Variants in PDE1C observed in about 807,000 individuals in gnomAD.
PDE1C encodes the protein dual specificity calcium/calmodulin-dependent 3',5'-cyclic nucleotide phosphodiesterase 1C.
A neutral mutation model predicts 93.1 loss-of-function variants in PDE1C; 62 were observed. The ratio of observed to expected loss-of-function variants is 0.67; its 90% confidence interval spans 0.54 to 0.82. PDE1C has a LOEUF of 0.82. PDE1C is among the 40% of genes least tolerant of loss of function. The pLI, the probability that PDE1C is intolerant of heterozygous loss-of-function variation, is 0.00. For synonymous variants in PDE1C, 325 were observed against 310.1 expected (o/e 1.05, Z -0.50); for missense variants, 742 against 884.6 (o/e 0.84, Z 2.04).
In PDE1C at chr7:31,764,392, A is replaced by T. The variant is rs192892878; in HGVS notation, c.1961-10839T>A. ...AACTCCTGACCGCGGTGATCCAAACACCTCAGCCTCACAAAGTACTGGGAT... is the reference window on the plus strand; with the variant it reads ...AACTCCTGACCGCGGTGATCCAAACTCCTCAGCCTCACAAAGTACTGGGAT... On this transcript the variant is annotated intron_variant, in intron 17 of 17. Transcript: ENST00000396191. 2.0e-5 allele frequency among the ~76,000 whole-genome samples: 3 copies of T among 152,128 alleles called. No homozygotes were observed. The East Asian group carries it at 5.8e-4, about 29-fold the overall frequency.
At chr7:32,129,153 T>C (rs1250209288) in intron 3 of PDE1C, among the ~76,000 whole-genome samples, 2 of 150,996 alleles carry the variant, frequency 1.3e-5, no homozygotes, top group Non-Finnish European at 3.0e-5. Flanking sequence ...AGAATTGACA[T>C]AAAATATCAC....
chr7:32,202,552 G>T (rs1805089623), intron 2 of PDE1C, among the ~76,000 whole-genome samples: 1 of 152,202 alleles, frequency 6.6e-6, no homozygotes, highest in South Asian at 2.1e-4. Flanking sequence ...GAATACATCT[G>T]TTGACTGAAC....
At chr7:32,403,866 A>G (rs754295423) in intron 1 of PDE1C, among the ~76,000 whole-genome samples, 5 of 152,190 alleles carry the variant, frequency 3.3e-5, no homozygotes, top group Non-Finnish European at 4.4e-5. Flanking sequence ...GACAAAATAT[A>G]GAAGATATCT....
At chr7:32,384,761 A>G (rs1251559364) in intron 1 of PDE1C, among the ~76,000 whole-genome samples, 1 of 152,228 alleles carries the variant, frequency 6.6e-6, no homozygotes, top group Non-Finnish European at 1.5e-5. Flanking sequence ...TTTTAGAATT[A>G]TGCTTCTTAA....
chr7:32,042,567 C>G (rs1399278042), intron 2 of PDE1C, among the ~76,000 whole-genome samples: 2 of 152,306 alleles, frequency 1.3e-5, no homozygotes, highest in Non-Finnish European at 1.5e-5. Flanking sequence ...CAGTAGGGGG[C>G]CCTCTGGACA....
At chr7:31,791,374 A>G (rs1784576797) in intron 16 of PDE1C, among the ~76,000 whole-genome samples, 1 of 152,124 alleles carries the variant, frequency 6.6e-6, no homozygotes. Flanking sequence ...CTTTACTCCA[A>G]TACTAGCACT....
chr7:31,879,292 A>C (rs1044193105), intron 3 of PDE1C, 114 bp from the exon 4 acceptor site: 2 of 1,045,128 alleles, frequency 1.9e-6, no homozygotes, highest in Non-Finnish European at 2.7e-6. Flanking sequence ...AAGAAACCAA[A>C]TTAAATTGGC....
At chr7:31,690,154 G>A in the PDE1C span, among the ~76,000 whole-genome samples, 4 of 152,194 alleles carry the variant, frequency 2.6e-5, no homozygotes, top group East Asian at 1.9e-4. Context: ...TGGACCTCCC[G>A]TGGCTAAGCA....
chr7:32,387,525 C>T (rs1415441867), intron 1 of PDE1C, among the ~76,000 whole-genome samples: 5 of 146,744 alleles, frequency 3.4e-5, no homozygotes, highest in South Asian at 2.2e-4. Flanking sequence ...ACCTCCCTCC[C>T]GGACGGGGCG....
intron 16 of PDE1C, among the ~76,000 whole-genome samples, chr7:31,801,814 T>G (rs899423745): frequency 3.3e-5 from 5 of 151,462 alleles, no homozygotes; most frequent in Admixed American, 6.6e-5. Flanking sequence ...TTCTTTTGAT[T>G]AGTGTTAAGA....
At chr7:32,109,072 C>T (rs1396615564) in intron 3 of PDE1C, among the ~76,000 whole-genome samples, 4 of 152,120 alleles carry the variant, frequency 2.6e-5, no homozygotes, top group Non-Finnish European at 5.9e-5. Context: ...AATGGAAGCT[C>T]GGCATTCAGG....
chr7:32,305,289 G>C (rs1812971623), intron 1 of PDE1C, among the ~76,000 whole-genome samples: 1 of 152,114 alleles, frequency 6.6e-6, no homozygotes, highest in Non-Finnish European at 1.5e-5. Context: ...GATGTCTTCT[G>C]TTCCCTGGGC....
At chr7:32,394,233 A>G (rs777504819) in intron 1 of PDE1C, among the ~76,000 whole-genome samples, 23 of 152,254 alleles carry the variant, frequency 1.5e-4, no homozygotes, top group Non-Finnish European at 2.6e-4. Context: ...GATTATCTGG[A>G]AAGAATGAAA....
chr7:31,880,809 A>C lies in PDE1C; in HGVS notation c.180T>G (p.Asp60Glu), dbSNP rs779402307. 6.2e-7 allele frequency: 1 copy of C among 1,612,532 alleles called. No homozygotes were observed. Among genetic ancestry groups the C allele is most frequent in the African/African-American group, 1.3e-5 (1 of 75,044 alleles). Reference sequence around the variant, plus strand: ...CTGCATATTCCAAATTCTTCTTAAGATCTACCACTGAAGCTTCCCCTCTCT... The same window carrying C: ...CTGCATATTCCAAATTCTTCTTAAGCTCTACCACTGAAGCTTCCCCTCTCT... ...QLERGEASVV[D>E]LKKNLEYAAT... is the part of the protein sequence containing the mutation. Residue 60 changes from aspartate to glutamate, a missense_variant, in exon 3 of 18, where the codon GAT (aspartate) becomes GAG (glutamate). By Grantham distance (45) the Asp-to-Glu change is conservative. Transcript: ENST00000396191.
chr7:32,004,310 AAAT>A (rs952253785), intron 2 of PDE1C, among the ~76,000 whole-genome samples: 2 of 152,190 alleles, frequency 1.3e-5, no homozygotes, highest in African/African-American at 4.8e-5. Flanking sequence ...ATCTTATTAA[AAAT>A]AATATCACTT....
intron 3 of PDE1C, among the ~76,000 whole-genome samples, chr7:32,164,723 G>C (rs1802120786): frequency 6.6e-6 from 1 of 152,160 alleles, no homozygotes; most frequent in Non-Finnish European, 1.5e-5. Flanking sequence ...TCTTACTTGT[G>C]GTACCATCTG....
At chr7:32,384,781 C>T (rs1784594483) in intron 1 of PDE1C, among the ~76,000 whole-genome samples, 2 of 152,266 alleles carry the variant, frequency 1.3e-5, no homozygotes, top group South Asian at 4.1e-4. Flanking sequence ...AACTTTAATG[C>T]ACTCAGGCAT....
intron 2 of PDE1C, among the ~76,000 whole-genome samples, chr7:31,978,911 A>G (rs950894004): frequency 1.3e-5 from 2 of 152,168 alleles, no homozygotes; most frequent in Non-Finnish European, 1.5e-5. Context: ...AAGGTTTGGT[A>G]TATTTCCTCA....
chr7:31,916,978 T>C (rs968029325), intron 2 of PDE1C, among the ~76,000 whole-genome samples: 1 of 152,026 alleles, frequency 6.6e-6, no homozygotes, highest in Admixed American at 6.6e-5. Flanking sequence ...GTGTAAAAAA[T>C]ATACACTGTA....
Sources: gnomAD v4.1 joint callset for allele counts (sites outside exome capture counted in the v4.1 genomes callset) on GRCh38, gnomAD v4.1.1 for gene constraint, MANE v1.5 for transcripts, NCBI Gene and HGNC (gene_info 2026-07-23, HGNC 2026-07-21) for gene names.